Variants in PEX6 observed in about 807,000 individuals in gnomAD.
The protein encoded by PEX6 is peroxisome biogenesis factor 6.
Under a neutral mutation model 85.6 loss-of-function variants are expected in PEX6, and 55 were observed. The observed-to-expected ratio is 0.64, with a 90% confidence interval of 0.52 to 0.80. PEX6 has a LOEUF of 0.80. Ranked by LOEUF, PEX6 falls within the 30% of genes least tolerant of loss-of-function variation. PEX6 has a pLI of 0.00. For synonymous variants in PEX6, 519 were observed against 549.1 expected (o/e 0.95, Z 0.77); for missense variants, 1,099 against 1,260.3 (o/e 0.87, Z 1.94).
chr6:42,978,186 G>C, intron 1 of PEX6, 83 bp downstream of exon 1: 9 of 1,500,624 alleles, frequency 6.0e-6, no homozygotes, highest in Non-Finnish European at 8.3e-6. Flanking sequence ...TGGGGCACGA[G>C]TCCTAAATCT....
rs566310924 is a variant in PEX6, at chr6:42,969,886, A to C, written c.1232T>G (p.Met411Arg). 13 of 1,614,120 alleles carry C rather than the reference A, an allele frequency of 8.1e-6. No homozygotes were observed. The highest frequency in any genetic ancestry group is 1.7e-4 in the Middle Eastern group (1 of 6,050). ...LADTTHTSLY[M>R]VGSTLSPVPW... ...CTACACCCATCCTTGGGGCCTCACC[A>C]TGTACAAGGAGGTATGGGTGGTGTC... Residue 411 changes from methionine (M) to arginine (R), a missense_variant and splice_region_variant, in exon 4 of 17, where the codon ATG becomes AGG. Transcript: ENST00000304611.
At chr6:42,970,882 C>T (rs1023002) in intron 3 of PEX6, among the ~76,000 whole-genome samples, 10,058 of 152,140 alleles carry the variant, frequency 0.066, 565 homozygotes, top group East Asian at 0.15. Flanking sequence ...ACCAGGGCTG[C>T]GCAGTAGTTG....
intron 1 of PEX6, among the ~76,000 whole-genome samples, chr6:42,975,286 C>G (rs1272748840): frequency 1.3e-5 from 2 of 152,220 alleles, no homozygotes; most frequent in Non-Finnish European, 2.9e-5. Flanking sequence ...TTCTGTGACA[C>G]TTTCAACTTG....
rs765231813 is a variant in PEX6, at chr6:42,967,516, AG to A, written c.1735del (p.Leu579CysfsTer40). On this transcript the variant is annotated frameshift_variant, in exon 8 of 17. Coordinates refer to ENST00000304611, the MANE Select transcript of PEX6 (RefSeq NM_000287.4). LOFTEE classifies it high-confidence loss of function. Reference protein sequence around the residue: ...VVATTSRAQDLPADVQTAFPH... With the variant: ...VVATTSRAQDXPADVQTAFPH... ...AAATGCTGTCTGCACATCAGCAGGCAGGTCCTGGGCCCGGCTTGTGGTGGCC... is the reference window on the plus strand; with the variant it reads ...AAATGCTGTCTGCACATCAGCAGGCAGTCCTGGGCCCGGCTTGTGGTGGCC... 1 of 1,608,874 alleles carries A rather than the reference AG, an allele frequency of 6.2e-7. No individual in the cohort carries two copies. The highest frequency in any genetic ancestry group is 1.1e-5 in the South Asian group (1 of 89,912).
chr6:42,970,262 A>G (rs1770016675), intron 3 of PEX6, among the ~76,000 whole-genome samples: 1 of 152,224 alleles, frequency 6.6e-6, no homozygotes, highest in Non-Finnish European at 1.5e-5. Context: ...CTACCCACCC[A>G]CACCAATGGG....
intron 2 of PEX6, among the ~76,000 whole-genome samples, chr6:42,974,474 T>C (rs1267952131): frequency 6.9e-6 from 1 of 145,942 alleles, no homozygotes; most frequent in Non-Finnish European, 1.5e-5. Context: ...TTTTTTTTTT[T>C]TGAGACGGAG....
At chr6:42,966,990 G>A in intron 8 of PEX6, 132 bp from the exon 9 acceptor site, 1 of 461,420 alleles carries the variant, frequency 2.2e-6, no homozygotes, top group East Asian at 4.4e-5. Flanking sequence ...TTTTTTTTTT[G>A]AGACGGAGTT....
rs562797392 is a variant in PEX6, at chr6:42,965,834, G to A, written c.2363-45C>T. On this transcript the variant is annotated intron_variant, in intron 12 of 16. Coordinates refer to ENST00000304611, the MANE Select transcript of PEX6 (RefSeq NM_000287.4). This position sits in a 1 kb window ranked among gnomAD's most constrained non-coding sequence, Gnocchi z 5.0. ...CACAGGAGGGCAAAGCTCGGCTTGT[G>A]GGGGGTTGAAGTTAGGTGAGAGCAG... 5.6e-5 allele frequency: 87 copies of A among 1,553,106 alleles called. No homozygotes were observed. Among genetic ancestry groups the A allele is most frequent in the African/African-American group, 1.1e-4 (8 of 73,794 alleles).
Position 42,969,983 on chromosome 6 carries a change from G to A in PEX6, c.1135C>T (p.Arg379Trp), listed in dbSNP as rs1242919516. ...TTCTTCACTTTAAAAAACATTTCCC[G>A]CCACCTGCAGGAAAAAGGCCCAATG... ...EGSPEKLPRWREMFFKVKKTV... is the reference protein window; with the variant it reads ...EGSPEKLPRWWEMFFKVKKTV... The change falls in exon 4 of 17, where the codon CGG becomes TGG. Residue 379 changes from arginine (R) to tryptophan (W), a missense_variant. Around this residue, in one of 3 missense-constraint regions of PEX6, gnomAD observed 579 missense variants for 611.6 expected, o/e 0.95. Coordinates refer to ENST00000304611, the MANE Select transcript of PEX6 (RefSeq NM_000287.4). 8.1e-6 allele frequency: 13 copies of A among 1,613,656 alleles called. No homozygotes were observed. The East Asian group carries it at 8.9e-5, about 11-fold the overall frequency.
chr6:42,979,131 C>T lies in PEX6; in HGVS notation c.20G>A (p.Arg7Gln). The T allele has an allele frequency of 6.3e-7, 1 of 1,576,934 alleles. No individual in the cohort carries two copies. Among genetic ancestry groups the T allele is most frequent in the Non-Finnish European group, 8.5e-7 (1 of 1,170,252 alleles). The change falls in exon 1 of 17, where the codon CGG (arginine) becomes CAG (glutamine). Residue 7 changes from arginine to glutamine, a missense_variant. Coordinates refer to ENST00000304611, the MANE Select transcript of PEX6 (RefSeq NM_000287.4). ...CTCGGTCGGAAAGGGCTCCAGGACC[C>T]GCAAGACAGCCAGCGCCATGGTGAC... The part of the protein sequence containing the change: MALAVL[R>Q]VLEPFPTETP...
chr6:42,978,939 G>A lies in PEX6; in HGVS notation c.212C>T (p.Pro71Leu). 6.7e-7 allele frequency: 1 copy of A among 1,488,006 alleles called. No homozygotes were observed. Among genetic ancestry groups the A allele is most frequent in the Non-Finnish European group, 8.9e-7 (1 of 1,127,416 alleles). The allele number at this position is 1,488,006 out of a possible 1,614,324, so 92.2% of individuals were successfully genotyped here. Residue 71 changes from proline (P) to leucine (L), a missense_variant, in exon 1 of 17, where the codon CCG (proline) becomes CTG (leucine). Pro to Leu is a moderately conservative substitution (Grantham distance 98, BLOSUM62 -3). Transcript: ENST00000304611. The part of the protein sequence containing the change: ...DAGTEEQGPG[P>L]PQLLVSRALL... ...CGCGCGGCTAACCAGTAGCTGCGGC[G>A]GCCCGGGACCCTGCTCTTCGGTGCC...
intron 1 of PEX6, among the ~76,000 whole-genome samples, chr6:42,976,474 T>G (rs1209311264): frequency 6.6e-6 from 1 of 152,180 alleles, no homozygotes; most frequent in Non-Finnish European, 1.5e-5. Flanking sequence ...GCGATTCTCC[T>G]GCTTCAGCCT....
chr6:42,977,050 T>C (rs1770325797), intron 1 of PEX6, among the ~76,000 whole-genome samples: 1 of 152,156 alleles, frequency 6.6e-6, no homozygotes, highest in Non-Finnish European at 1.5e-5. Flanking sequence ...GTGTCATCTT[T>C]AGATGGCTCT....
At position 42,966,792 on chromosome 6, in the gene PEX6, T is replaced by C. The variant is rs1769826229; in HGVS notation, c.1951A>G (p.Lys651Glu). 6.2e-7 allele frequency: 1 copy of C among 1,613,956 alleles called. No homozygotes were observed. The highest frequency in any genetic ancestry group is 2.2e-5 in the East Asian group (1 of 44,860). ...CCCACGTCCTCTTACCCTGAGTTCT[T>C]GATCCTGGTGCAGGCTGCCCGGCTG... is the stretch of plus-strand genomic sequence containing the variant. ...HSSRAACTRI[K>E]NSGLAGGLTE... is the part of the protein sequence containing the mutation. The change falls in exon 9 of 17, where the codon AAG becomes GAG. Residue 651 changes from lysine (K) to glutamate (E), a missense_variant. By Grantham distance (56) the Lys-to-Glu change is moderately conservative. Transcript: ENST00000304611.
At chr6:42,977,191 T>C (rs1299356284) in intron 1 of PEX6, among the ~76,000 whole-genome samples, 3 of 151,706 alleles carry the variant, frequency 2.0e-5, no homozygotes, top group Non-Finnish European at 4.4e-5. Context: ...ACTGAATACA[T>C]TGTAGCAATT....
chr6:42,967,615 G>A lies in PEX6; in HGVS notation c.1689-52C>T, dbSNP rs1177204789. 5.2e-6 allele frequency: 8 copies of A among 1,523,942 alleles called. No homozygotes were observed. In the South Asian group the frequency reaches 8.3e-5, roughly 16 times the overall value. 94.4% of individuals were successfully genotyped at this position (1,523,942 alleles called of 1,614,324 possible). A position where few individuals can be genotyped will look rare whatever the true frequency, so the allele number is the denominator to read the frequency against. On this transcript the variant is annotated intron_variant, in intron 7 of 16. Coordinates refer to ENST00000304611, the MANE Select transcript of PEX6 (RefSeq NM_000287.4). ...GGTGAGAACATGGCTGGCAGCTCCTGTGGACTGCCTTGTCCCAAAGTCGGC... is the reference window on the plus strand; with the variant it reads ...GGTGAGAACATGGCTGGCAGCTCCTATGGACTGCCTTGTCCCAAAGTCGGC...
rs1346178903 is a variant in PEX6 at position 42,968,306 on chromosome 6, C to T, written c.1672G>A (p.Glu558Lys). Residue 558 changes from glutamate to lysine, a missense_variant, in exon 7 of 17, where the codon GAG becomes AAG. By Grantham distance (56) the Glu-to-Lys change is moderately conservative. Coordinates refer to ENST00000304611, the MANE Select transcript of PEX6 (RefSeq NM_000287.4). The part of the protein sequence containing the change: ...MAVLRHLLLN[E>K]DPLNSCPPLM... ...TATAAGTACCTGTTGAGGGGGTCCT[C>T]ATTGAGGAGGAGGTGACGCAGCACA... The T allele has an allele frequency of 1.2e-6, 2 of 1,614,102 alleles. No individual in the cohort carries two copies. Among genetic ancestry groups the T allele is most frequent in the East Asian group, 2.2e-5 (1 of 44,878 alleles).
chr6:42,969,528 G>A, intron 5 of PEX6, 140 bp downstream of exon 5: 4 of 1,023,434 alleles, frequency 3.9e-6, no homozygotes, highest in Non-Finnish European at 6.1e-6. Context: ...TGGTGGCCTT[G>A]TGTAGGACAT....
At chr6:42,975,786 T>C (rs1335005793) in intron 1 of PEX6, among the ~76,000 whole-genome samples, 1 of 151,754 alleles carries the variant, frequency 6.6e-6, no homozygotes, top group Non-Finnish European at 1.5e-5. Flanking sequence ...TCTCGGCTCA[T>C]TGCAACCTCT....
Sources: allele counts gnomAD v4.1 joint callset (sites outside exome capture counted in the v4.1 genomes callset), GRCh38; gene constraint gnomAD v4.1.1; regional missense constraint gnomAD v4.1.1; non-coding constraint Gnocchi (gnomAD v3.1); transcripts MANE v1.5; gene names NCBI Gene and HGNC (gene_info 2026-07-23, HGNC 2026-07-21).